PTPN4: variants seen among roughly 807,000 people sequenced by gnomAD.
PTPN4 encodes the protein protein tyrosine phosphatase non-receptor type 4.
PTPN4 carries 49 observed loss-of-function variants against 135.5 expected under a neutral mutation model. The ratio of observed to expected loss-of-function variants is 0.36; its 90% CI spans 0.29 to 0.46. PTPN4 has a LOEUF of 0.46. Ranked by LOEUF, PTPN4 falls within the 20% of genes least tolerant of loss-of-function variation. The pLI is 1.00. For synonymous variants in PTPN4, 333 were observed against 369.9 expected (o/e 0.90, Z 1.14); for missense variants, 860 against 1,101.0 (o/e 0.78, Z 3.10).
intron 26 of PTPN4, among the ~76,000 whole-genome samples, chr2:119,969,065 C>T (rs1453735850): frequency 6.6e-6 from 1 of 152,014 alleles, no homozygotes; most frequent in Non-Finnish European, 1.5e-5. Context: ...ACTCTGTTGC[C>T]CAGGCTGGTA....
chr2:119,784,942 T>C (rs1229173868), intron 1 of PTPN4, among the ~76,000 whole-genome samples: 2 of 59,112 alleles, frequency 3.4e-5, no homozygotes, highest in African/African-American at 5.8e-5. Flanking sequence ...ATTTTTCTTC[T>C]ATTCATTTTA....
At chr2:119,918,971 C>T (rs1440456266) in intron 11 of PTPN4, among the ~76,000 whole-genome samples, 1 of 152,140 alleles carries the variant, frequency 6.6e-6, no homozygotes. Flanking sequence ...GACCTAAAGA[C>T]ACATATGTTT....
At chr2:119,819,937 T>C (rs936562376) in intron 2 of PTPN4, among the ~76,000 whole-genome samples, 1 of 152,192 alleles carries the variant, frequency 6.6e-6, no homozygotes, top group Non-Finnish European at 1.5e-5. Context: ...CATAGTTTAG[T>C]GCAGGCTTGA....
At chr2:119,892,107 A>G (rs1349657950) in intron 9 of PTPN4, among the ~76,000 whole-genome samples, 1 of 152,210 alleles carries the variant, frequency 6.6e-6, no homozygotes, top group East Asian at 1.9e-4. Flanking sequence ...AAGAAACAAA[A>G]CTATAAATGA....
intron 2 of PTPN4, among the ~76,000 whole-genome samples, chr2:119,834,101 A>G (rs548768322): frequency 2.0e-5 from 3 of 152,368 alleles, no homozygotes; most frequent in African/African-American, 7.2e-5. Flanking sequence ...TTACATGCAT[A>G]GAATGTGTAA....
rs888167428 is a variant in PTPN4 at position 119,892,752 on chromosome 2, T to C, written c.675+6870T>C. Among the ~76,000 whole-genome samples, 4 of 151,838 alleles carry C rather than the reference T, an allele frequency of 2.6e-5. No homozygotes were observed. The East Asian group carries it at 7.7e-4, about 29-fold the overall frequency. On this transcript the variant is annotated intron_variant, in intron 9 of 26. Coordinates refer to ENST00000263708, the MANE Select transcript of PTPN4 (RefSeq NM_002830.4). The stretch of plus-strand genomic sequence containing the variant: ...CTTTCTTTCTTTTGAGGCAGAGTCT[T>C]GCTCTGTCATCCAGGCTGGAGTGCA...
intron 2 of PTPN4, among the ~76,000 whole-genome samples, chr2:119,855,095 G>T (rs1677657086): frequency 6.6e-6 from 1 of 152,108 alleles, no homozygotes; most frequent in African/African-American, 2.4e-5. Context: ...GGAGAGGGGT[G>T]CCCATAAACC....
At chr2:119,942,363 C>T (rs1358131967) in intron 15 of PTPN4, among the ~76,000 whole-genome samples, 1 of 152,148 alleles carries the variant, frequency 6.6e-6, no homozygotes, top group Non-Finnish European at 1.5e-5. Flanking sequence ...GTTTGGCTCA[C>T]TTAGATATAC....
At chr2:119,869,047 T>A (rs1677872329) in intron 3 of PTPN4, among the ~76,000 whole-genome samples, 1 of 152,220 alleles carries the variant, frequency 6.6e-6, no homozygotes, top group Admixed American at 6.5e-5. Flanking sequence ...ATACAAATGT[T>A]CACAGTAGTT....
chr2:119,963,058 CT>C (rs1215300078), intron 24 of PTPN4, among the ~76,000 whole-genome samples: 1 of 152,042 alleles, frequency 6.6e-6, no homozygotes, highest in Non-Finnish European at 1.5e-5. Flanking sequence ...ATAAAAAAAA[CT>C]TTTACTCCAA....
chr2:119,810,075 A>G, intron 2 of PTPN4, 84 bp downstream of exon 2: 3 of 1,406,522 alleles, frequency 2.1e-6, no homozygotes, highest in Non-Finnish European at 2.9e-6. Flanking sequence ...TTATTAAATT[A>G]TAGTACAGTT....
chr2:119,792,215 T>C (rs1347860564), intron 1 of PTPN4, among the ~76,000 whole-genome samples: 2 of 152,252 alleles, frequency 1.3e-5, no homozygotes, highest in Non-Finnish European at 1.5e-5. Flanking sequence ...CTTTCTTTTA[T>C]ATTTGAGCTA....
chr2:119,895,440 G>A (rs1678307039), intron 9 of PTPN4, among the ~76,000 whole-genome samples: 1 of 152,196 alleles, frequency 6.6e-6, no homozygotes, highest in South Asian at 2.1e-4. Context: ...AGGAGTTTGA[G>A]ACCAGCCTGG....
chr2:119,945,206 C>G lies in PTPN4; in HGVS notation c.1481C>G (p.Thr494Arg). The change falls in exon 16 of 27, where the codon ACA becomes AGA. Residue 494 changes from threonine to arginine, a missense_variant. Physicochemically the swap from Thr to Arg is moderately conservative, Grantham distance 71. This residue lies in a region of PTPN4 where 684 missense variants were observed against 807.0 expected (regional missense o/e 0.85). Coordinates refer to ENST00000263708, the MANE Select transcript of PTPN4 (RefSeq NM_002830.4). ...QQDLESHINE[T>R]FDIPSSPEKP... is the part of the protein sequence containing the mutation. ...GATCTAGAAAGTCATATTAATGAAA[C>G]ATTTGATATTCCATCTTCTCCTGAA... The G allele has an allele frequency of 6.3e-7, 1 of 1,590,050 alleles. No individual in the cohort carries two copies. Among genetic ancestry groups the G allele is most frequent in the Non-Finnish European group, 8.5e-7 (1 of 1,170,018 alleles).
intron 18 of PTPN4, among the ~76,000 whole-genome samples, chr2:119,950,944 G>A (rs1679203620): frequency 6.6e-6 from 1 of 151,970 alleles, no homozygotes; most frequent in Admixed American, 6.6e-5. Context: ...TTCCTTTACT[G>A]TCTCTTATAA....
chr2:119,934,321 T>C (rs1230553561), intron 14 of PTPN4, among the ~76,000 whole-genome samples: 1 of 152,172 alleles, frequency 6.6e-6, no homozygotes, highest in African/African-American at 2.4e-5. Flanking sequence ...TACTGAAATA[T>C]TGTAATTAAA....
intron 26 of PTPN4, among the ~76,000 whole-genome samples, chr2:119,969,679 C>T (rs984733054): frequency 2.6e-5 from 4 of 151,608 alleles, no homozygotes; most frequent in Admixed American, 2.0e-4. Flanking sequence ...CTGCCTCAGC[C>T]TCCTGAGTAG....
intron 2 of PTPN4, among the ~76,000 whole-genome samples, chr2:119,858,037 C>G (rs1210488869): frequency 6.6e-6 from 1 of 152,198 alleles, no homozygotes; most frequent in African/African-American, 2.4e-5. Context: ...CCCACACTGG[C>G]TCTTTTACTC....
At chr2:119,859,548 C>T (rs1190154543) in intron 2 of PTPN4, among the ~76,000 whole-genome samples, 1 of 152,172 alleles carries the variant, frequency 6.6e-6, no homozygotes, top group African/African-American at 2.4e-5. Flanking sequence ...TTCCTCCTGT[C>T]TGTTTGGGAG....
Sources: allele counts gnomAD v4.1 joint callset (sites outside exome capture counted in the v4.1 genomes callset), GRCh38; gene constraint gnomAD v4.1.1; regional missense constraint gnomAD v4.1.1; transcripts MANE v1.5; gene names NCBI Gene and HGNC (gene_info 2026-07-23, HGNC 2026-07-21).